SCFD1: variants seen among roughly 807,000 people sequenced by gnomAD.
SCFD1 encodes the protein sec1 family domain containing 1.
A neutral mutation model predicts 103.2 loss-of-function variants in SCFD1; 37 were observed. That is an observed-to-expected ratio of 0.36 (90% CI 0.28 to 0.47). The LOEUF (loss-of-function observed/expected upper bound fraction) is 0.47, where lower values mean the gene tolerates loss of function less well. SCFD1 is among the 20% of genes least tolerant of loss of function. The probability of loss-of-function intolerance (pLI) is 1.00; values close to 1 mark genes in which losing one functional copy is unlikely to be tolerated. For missense variants in SCFD1, 639 were observed against 761.2 expected, an observed-to-expected ratio of 0.84 and a Z score of 1.89; for synonymous variants, 264 against 245.0, an observed-to-expected ratio of 1.08 and a Z score of -0.73.
intron 23 of SCFD1, among the ~76,000 whole-genome samples, chr14:30,724,328 C>T (rs773102475): frequency 8.5e-5 from 12 of 140,788 alleles, no homozygotes; most frequent in Non-Finnish European, 1.7e-4. Context: ...TCTCGGCTCA[C>T]AGCGACGTCT....
rs1566660067 is a variant in SCFD1, at chr14:30,719,393, CTTGT to C, written c.1736+19_1736+22del. ...GCAATGACAGGTAAGCAGCTTTTGTCTTGTTTAACTTGTGGATTTTTTCCCCTCG... is the reference window on the plus strand; with the variant it reads ...GCAATGACAGGTAAGCAGCTTTTGTCTTAACTTGTGGATTTTTTCCCCTCG... On this transcript the variant is annotated intron_variant, in intron 21 of 24. Coordinates refer to ENST00000458591, the MANE Select transcript of SCFD1 (RefSeq NM_016106.4). 1 of 1,586,572 alleles carries C rather than the reference CTTGT, an allele frequency of 6.3e-7. No homozygotes were observed. Among genetic ancestry groups the C allele is most frequent in the South Asian group, 1.1e-5 (1 of 87,702 alleles).
intron 14 of SCFD1, among the ~76,000 whole-genome samples, chr14:30,675,747 A>G (rs903393444): frequency 7.2e-5 from 11 of 152,176 alleles, no homozygotes; most frequent in African/African-American, 2.7e-4. Flanking sequence ...GATGCATTTG[A>G]AACTGTTTAA....
rs1886317280 is a variant in SCFD1, at chr14:30,650,662, A to G, written c.755+12A>G. The G allele has an allele frequency of 7.0e-7, 1 of 1,433,276 alleles. No homozygotes were observed. The highest frequency in any genetic ancestry group is 2.3e-5 in the East Asian group (1 of 43,948). 88.8% of individuals were successfully genotyped at this position (1,433,276 alleles called of 1,614,324 possible). A position where few individuals can be genotyped will look rare whatever the true frequency, so the allele number is the denominator to read the frequency against. On this transcript the variant is annotated intron_variant, in intron 9 of 24. Coordinates refer to ENST00000458591, the MANE Select transcript of SCFD1 (RefSeq NM_016106.4). The stretch of plus-strand genomic sequence containing the variant: ...GCTGGCCAATTCAGGTATTACTGTT[A>G]TTAAATACACTTGTAAGACTTTAAA...
Position 30,649,539 on chromosome 14 carries a change from A to G in SCFD1, c.625A>G (p.Ile209Val), listed in dbSNP as rs146685783. 8.9e-6 allele frequency: 14 copies of G among 1,577,742 alleles called. No homozygotes were observed. The highest frequency in any genetic ancestry group is 2.0e-5 in the Admixed American group (1 of 50,344). ...TATTGTTAAAATAGGTGCTGTTCCTATAATCAGATGTTCAAGAGGAACAGC... is the reference window on the plus strand; with the variant it reads ...TATTGTTAAAATAGGTGCTGTTCCTGTAATCAGATGTTCAAGAGGAACAGC... ...CFFVTLGAVP[I>V]IRCSRGTAAE... The change falls in exon 8 of 25, where the codon ATA (isoleucine) becomes GTA (valine). Residue 209 changes from isoleucine to valine, a missense_variant. Physicochemically the swap from Ile to Val is conservative, Grantham distance 29. Coordinates refer to ENST00000458591, the MANE Select transcript of SCFD1 (RefSeq NM_016106.4).
chr14:30,625,581 A>T (rs1883308229), intron 1 of SCFD1, among the ~76,000 whole-genome samples: 1 of 121,396 alleles, frequency 8.2e-6, no homozygotes, highest in Non-Finnish European at 1.6e-5. Context: ...CGTGTACTCC[A>T]TTAACAAATC....
At chr14:30,640,646 A>G (rs922748846) in intron 6 of SCFD1, among the ~76,000 whole-genome samples, 16 of 152,046 alleles carry the variant, frequency 1.1e-4, no homozygotes, top group Non-Finnish European at 1.6e-4. Context: ...TCCCTTAAAC[A>G]TTTTAAATTT....
chr14:30,635,567 C>G (rs1161698235), intron 4 of SCFD1, among the ~76,000 whole-genome samples: 2 of 152,242 alleles, frequency 1.3e-5, no homozygotes, highest in East Asian at 3.9e-4. Context: ...AAGGTTCATC[C>G]ATATTGTAGC....
intron 10 of SCFD1, among the ~76,000 whole-genome samples, chr14:30,658,978 G>A (rs778855446): frequency 6.6e-6 from 1 of 152,304 alleles, no homozygotes; most frequent in African/African-American, 2.4e-5. Flanking sequence ...GTACTTGATA[G>A]GAAGTGTCTA....
chr14:30,681,765 C>T (rs1032009965), intron 14 of SCFD1, among the ~76,000 whole-genome samples: 1 of 152,022 alleles, frequency 6.6e-6, no homozygotes, highest in African/African-American at 2.4e-5. Flanking sequence ...AAAGACATTG[C>T]TCATATTGGG....
At chr14:30,651,083 AG>A (rs1287287239) in intron 9 of SCFD1, among the ~76,000 whole-genome samples, 1 of 152,124 alleles carries the variant, frequency 6.6e-6, no homozygotes, top group Non-Finnish European at 1.5e-5. Flanking sequence ...AGCATAAGTA[AG>A]GCCAATGTTT....
chr14:30,675,957 C>T (rs1888999642), intron 14 of SCFD1, among the ~76,000 whole-genome samples: 1 of 152,150 alleles, frequency 6.6e-6, no homozygotes, highest in South Asian at 2.1e-4. Context: ...CTTTGTTTCA[C>T]ATCTTGGTAC....
At chr14:30,632,046 G>GAAAAAAAAAAAAAAA (rs61645782) in intron 3 of SCFD1, among the ~76,000 whole-genome samples, 1 of 70,266 alleles carries the variant, frequency 1.4e-5, no homozygotes, top group African/African-American at 5.6e-5. Flanking sequence ...AGATTCTGTT[G>GAAAAAAAAAAAAAAA]AAAAAAAAAA....
intron 21 of SCFD1, among the ~76,000 whole-genome samples, chr14:30,721,467 A>G (rs1439235003): frequency 2.1e-5 from 3 of 140,188 alleles, no homozygotes; most frequent in Non-Finnish European, 4.7e-5. Flanking sequence ...TATTCTTCCC[A>G]TACATGTATT....
intron 7 of SCFD1, among the ~76,000 whole-genome samples, chr14:30,644,787 C>G (rs1197036861): frequency 6.6e-6 from 1 of 152,080 alleles, no homozygotes; most frequent in African/African-American, 2.4e-5. Context: ...TGTAGGTTGT[C>G]CATTCACTTT....
chr14:30,734,481 T>A, intron 23 of SCFD1: 1 of 334,324 alleles, frequency 3.0e-6, no homozygotes, highest in Non-Finnish European at 5.7e-6. Context: ...TGTTCTAAGA[T>A]TTTATAGGTA....
chr14:30,682,425 T>A (rs1889560958), intron 14 of SCFD1, among the ~76,000 whole-genome samples: 2 of 152,206 alleles, frequency 1.3e-5, no homozygotes, highest in East Asian at 1.9e-4. Context: ...TCATCTTGAT[T>A]TTTTGTAACA....
At chr14:30,731,009 T>G (rs1055394718) in intron 23 of SCFD1, among the ~76,000 whole-genome samples, 11 of 152,190 alleles carry the variant, frequency 7.2e-5, no homozygotes, top group Non-Finnish European at 1.5e-4. Flanking sequence ...CTTTAATCCA[T>G]CTTGAATTAA....
intron 14 of SCFD1, among the ~76,000 whole-genome samples, chr14:30,692,300 G>C (rs1345513490): frequency 1.3e-5 from 2 of 152,136 alleles, no homozygotes; most frequent in Non-Finnish European, 2.9e-5. Flanking sequence ...CATGCTCTAA[G>C]GAGTTTACAG....
chr14:30,734,271 T>C (rs561734226), intron 23 of SCFD1, among the ~76,000 whole-genome samples: 1 of 152,328 alleles, frequency 6.6e-6, no homozygotes, highest in African/African-American at 2.4e-5. Context: ...TTGGCTGTTG[T>C]GATTGGGTTC....
Sources: allele counts gnomAD v4.1 joint callset (sites outside exome capture counted in the v4.1 genomes callset), GRCh38; gene constraint gnomAD v4.1.1; transcripts MANE v1.5; gene names NCBI Gene and HGNC (gene_info 2026-07-23, HGNC 2026-07-21).